Variants in PNPLA4 observed in about 807,000 individuals in gnomAD.
The protein encoded by PNPLA4 is patatin like domain 4, phospholipase and triacylglycerol lipase.
Under a neutral mutation model 18.3 loss-of-function variants are expected in PNPLA4, and 15 were observed. The ratio of observed to expected loss-of-function variants is 0.82; its 90% CI spans 0.55 to 1.26. PNPLA4 has a LOEUF of 1.26. Ranked by LOEUF, PNPLA4 falls within the 50% of genes most tolerant of loss-of-function variation. The probability of loss-of-function intolerance (pLI) is 0.00; values close to 1 mark genes in which losing one functional copy is unlikely to be tolerated. For synonymous variants in PNPLA4, 88 were observed against 85.6 expected, an observed-to-expected ratio of 1.03 and a Z score of -0.16; for missense variants, 229 against 196.8, an observed-to-expected ratio of 1.16 and a Z score of -0.98.
intron 3 of PNPLA4, 63 bp downstream of exon 3, chrX:7,921,941 T>C: frequency 8.9e-7 from 1 of 1,127,404 alleles, no homozygotes; most frequent in African/African-American, 1.8e-5. Context: ...TTGCCAAAGT[T>C]TGTACAGAGA....
chrX:7,912,155 TTGA>T (rs1461519724), intron 4 of PNPLA4, 62 bp from the exon 5 acceptor site: 1 of 856,214 alleles, frequency 1.2e-6, no homozygotes, highest in Admixed American at 2.3e-5. Context: ...GACAATACAG[TTGA>T]TGTAGTATTG....
intron 4 of PNPLA4, among the ~76,000 whole-genome samples, chrX:7,915,634 C>T (rs1282894885): frequency 8.9e-6 from 1 of 111,878 alleles, no homozygotes; most frequent in African/African-American, 3.2e-5. Context: ...GGTGCGCATT[C>T]CCGACACGTT....
intron 2 of PNPLA4, among the ~76,000 whole-genome samples, chrX:7,923,364 A>G (rs1258626917): frequency 8.9e-6 from 1 of 111,816 alleles, no homozygotes; most frequent in African/African-American, 3.3e-5. Flanking sequence ...GGAGCCAAGG[A>G]GTCTGGGCAC....
chrX:7,902,156 A>G lies in PNPLA4; in HGVS notation c.478-15T>C. On this transcript the variant is annotated splice_polypyrimidine_tract_variant and intron_variant, in intron 5 of 6. Coordinates refer to ENST00000381042, the MANE Select transcript of PNPLA4 (RefSeq NM_004650.3). ...TCCACCCACTTCTGTGGAAAGAAAC[A>G]TCTCACGTCAGCACACGTCAACAAC... 1.7e-6 allele frequency: 2 copies of G among 1,190,528 alleles called. No individual in the cohort carries two copies. The highest frequency in any genetic ancestry group is 1.9e-5 in the South Asian group (1 of 53,653).
At chrX:7,912,640 C>T (rs1324893603) in intron 4 of PNPLA4, among the ~76,000 whole-genome samples, 1 of 112,013 alleles carries the variant, frequency 8.9e-6, no homozygotes, top group Non-Finnish European at 1.9e-5. Flanking sequence ...TATGCTTTAT[C>T]TCCCATTTAA....
intron 1 of PNPLA4, among the ~76,000 whole-genome samples, 162 bp from the exon 2 acceptor site, chrX:7,926,294 G>A (rs1232428293): frequency 8.9e-6 from 1 of 112,375 alleles, no homozygotes; most frequent in African/African-American, 3.2e-5. Context: ...AATCTTTCAA[G>A]GAAACCCTTT....
At position 7,922,060 on chromosome X, in the gene PNPLA4, G is replaced by C; in HGVS notation, c.219C>G (p.Ile73Met). The C allele has an allele frequency of 8.3e-7, 1 of 1,208,142 alleles. No homozygotes were observed. Among genetic ancestry groups the C allele is most frequent in the East Asian group, 3.0e-5 (1 of 33,814 alleles). Residue 73 changes from isoleucine (I) to methionine (M), a missense_variant, in exon 3 of 7, where the codon ATC becomes ATG. Physicochemically the swap from Ile to Met is conservative, Grantham distance 10 (BLOSUM62 1). Coordinates refer to ENST00000381042, the MANE Select transcript of PNPLA4 (RefSeq NM_004650.3). Reference sequence around the variant, plus strand: ...TTACTGCCCCGAAAGACTGCCTTCTGATTTCTTCGGCAAACTTGTAGGTAA... The same window carrying C: ...TTACTGCCCCGAAAGACTGCCTTCTCATTTCTTCGGCAAACTTGTAGGTAA... ...NQFTYKFAEE[I>M]RRQSFGAVTP...
chrX:7,902,031 C>T lies in PNPLA4; in HGVS notation c.588G>A (p.Gly196=). 1 of 1,208,930 alleles carries T rather than the reference C, an allele frequency of 8.3e-7. No homozygotes were observed. The highest frequency in any genetic ancestry group is 1.8e-5 in the South Asian group (1 of 56,474). The change falls in exon 6 of 7, where the codon GGG becomes GGA. Residue 196 remains glycine, a synonymous_variant. Coordinates refer to ENST00000381042, the MANE Select transcript of PNPLA4 (RefSeq NM_004650.3). ...GRLDISPQDK[G]QLDLYVNIAK... is the part of the protein sequence containing the mutation. ...CGATATTAACATACAGATCTAGCTGCCCTTTGTCCTGCGGGGAGATGTCCA... is the reference window on the plus strand; with the variant it reads ...CGATATTAACATACAGATCTAGCTGTCCTTTGTCCTGCGGGGAGATGTCCA...
chrX:7,915,313 G>T (rs1199353645), intron 4 of PNPLA4, among the ~76,000 whole-genome samples: 1 of 79,391 alleles, frequency 1.3e-5, no homozygotes, highest in South Asian at 1.1e-3. Flanking sequence ...AGGGTGGGGG[G>T]GGGGGTGTGT....
rs199808535 is a variant in PNPLA4 at position 7,907,892 on chromosome X, TTG to T, written c.477+4134_477+4135del. On this transcript the variant is annotated intron_variant, in intron 5 of 6. Coordinates refer to ENST00000381042, the MANE Select transcript of PNPLA4 (RefSeq NM_004650.3). ...ACATGCCACTATGCCTGGCTAATTT[TTG>T]TTTTTTTTTTTTTGTAGAGACAGGG... 2.2e-3 allele frequency among the ~76,000 whole-genome samples: 130 copies of T among 59,990 alleles called. 2 individuals are homozygous for T. The highest frequency in any genetic ancestry group is 0.012 in the South Asian group (12 of 1,028). 52.1% of individuals were successfully genotyped at this position (59,990 alleles called of 115,157 possible). A position where few individuals can be genotyped will look rare whatever the true frequency, so the allele number is the denominator to read the frequency against.
At chrX:7,907,565 G>A (rs1376192035) in intron 5 of PNPLA4, among the ~76,000 whole-genome samples, 1 of 112,127 alleles carries the variant, frequency 8.9e-6, no homozygotes, top group East Asian at 2.8e-4. Flanking sequence ...AAAATCATTA[G>A]TCAAAAATAT....
chrX:7,899,382 T>C lies in PNPLA4; in HGVS notation c.*1304A>G, dbSNP rs1923441131. The C allele has an allele frequency of 9.1e-6, 1 of 110,208 alleles. No homozygotes were observed. The highest frequency in any genetic ancestry group is 1.9e-5 in the Non-Finnish European group (1 of 52,880). The allele number at this position is 110,208 out of a possible 1,213,427, so 9.1% of individuals were successfully genotyped here. ...AAAACAGATTTAGGATTTAAGACAG[T>C]GTCAGTAAATTGGTACAAGCCCATA... is the stretch of plus-strand genomic sequence containing the variant. On this transcript the variant is annotated 3_prime_UTR_variant, in exon 7 of 7. Coordinates refer to ENST00000381042, the MANE Select transcript of PNPLA4 (RefSeq NM_004650.3).
rs764570270 is a variant in PNPLA4, at chrX:7,922,018, G to A, written c.261C>T (p.Phe87=). The change falls in exon 3 of 7, where the codon TTC becomes TTT. Residue 87 remains phenylalanine (F), a synonymous_variant. Transcript: ENST00000381042. The stretch of plus-strand genomic sequence containing the variant: ...ACTCTGTATACCTTAGTCGGGCCAT[G>A]AAGTCATAACCGGGCGTTACTGCCC... The part of the protein sequence containing the change: ...SFGAVTPGYD[F]MARLRSGMES... 1 of 1,204,151 alleles carries A rather than the reference G, an allele frequency of 8.3e-7. No homozygotes were observed. Among genetic ancestry groups the A allele is most frequent in the African/African-American group, 1.8e-5 (1 of 57,032 alleles).
In PNPLA4 at chrX:7,900,768, C is replaced by G; in HGVS notation, c.680G>C (p.Ser227Thr). The G allele has an allele frequency of 8.3e-7, 1 of 1,202,404 alleles. No homozygotes were observed. Among genetic ancestry groups the G allele is most frequent in the Non-Finnish European group, 1.1e-6 (1 of 888,494 alleles). ...VRLNQALFPP[S>T]KRKMESLYQC... ...ATACAAAGATTCCATTTTCCTCTTG[C>G]TTGGGGGAAAAAGGGCTTGGTTGAG... The change falls in exon 7 of 7, where the codon AGC (serine) becomes ACC (threonine). Residue 227 changes from serine to threonine, a missense_variant. Transcript: ENST00000381042.
chrX:7,910,999 C>T (rs1413766667), intron 5 of PNPLA4, among the ~76,000 whole-genome samples: 2 of 110,998 alleles, frequency 1.8e-5, no homozygotes, highest in Non-Finnish European at 3.8e-5. Flanking sequence ...GGTGTATGTG[C>T]TAAACAGATA....
chrX:7,923,273 G>A (rs1169947716), intron 2 of PNPLA4, among the ~76,000 whole-genome samples: 1 of 111,740 alleles, frequency 8.9e-6, no homozygotes, highest in African/African-American at 3.3e-5. Flanking sequence ...TCTTGTAAGG[G>A]AAGGAGGGAG....
intron 4 of PNPLA4, among the ~76,000 whole-genome samples, chrX:7,919,937 C>T (rs1394717020): frequency 1.3e-4 from 15 of 111,403 alleles, no homozygotes; most frequent in African/African-American, 4.9e-4. Context: ...TGGTTCATAT[C>T]CATTCGTTTC....
At chrX:7,921,944 T>C (rs1924234796) in intron 3 of PNPLA4, 60 bp downstream of exon 3, 1 of 1,122,068 alleles carries the variant, frequency 8.9e-7, no homozygotes, top group African/African-American at 1.8e-5. Flanking sequence ...CCAAAGTTTG[T>C]ACAGAGAGTC....
chrX:7,927,559 G>A (rs1452556051), upstream of PNPLA4: 3 of 113,551 alleles, frequency 2.6e-5, no homozygotes, highest in Admixed American at 9.2e-5. Flanking sequence ...CGCAGGCAAG[G>A]ATTCCTCGTT....
Sources: gnomAD v4.1 joint callset for allele counts (sites outside exome capture counted in the v4.1 genomes callset) on GRCh38, gnomAD v4.1.1 for gene constraint, MANE v1.5 for transcripts, NCBI Gene and HGNC (gene_info 2026-07-23, HGNC 2026-07-21) for gene names.